STK39: variants seen among roughly 807,000 people sequenced by gnomAD.
The protein encoded by STK39 is STE20/SPS1-related proline-alanine-rich protein kinase.
Under a neutral mutation model 77.8 loss-of-function variants are expected in STK39, and 20 were observed. The observed-to-expected ratio is 0.26, with a 90% CI of 0.18 to 0.37. STK39 has a LOEUF of 0.37. Ranked by LOEUF, STK39 falls within the 10% of genes least tolerant of loss-of-function variation. The pLI, the probability that STK39 is intolerant of heterozygous loss-of-function variation, is 1.00. For synonymous variants in STK39, 246 were observed against 234.1 expected (o/e 1.05, Z -0.47); for missense variants, 479 against 656.5 (o/e 0.73, Z 2.95).
At chr2:168,171,479 GAA>G (rs11333975) in intron 2 of STK39, among the ~76,000 whole-genome samples, 5 of 108,752 alleles carry the variant, frequency 4.6e-5, no homozygotes, top group East Asian at 5.6e-4. Context: ...TAAAAAAAGG[GAA>G]AAAAAAACTT....
intron 5 of STK39, among the ~76,000 whole-genome samples, chr2:168,145,463 G>C (rs1688111444): frequency 6.6e-6 from 1 of 151,988 alleles, no homozygotes; most frequent in South Asian, 2.1e-4. Context: ...CCAGAAGAAA[G>C]TTGCCATAGA....
chr2:168,007,503 T>C (rs1256897097), intron 16 of STK39, among the ~76,000 whole-genome samples: 1 of 152,152 alleles, frequency 6.6e-6, no homozygotes, highest in Non-Finnish European at 1.5e-5. Flanking sequence ...GGAAGTCCTA[T>C]ATAGCTGACA....
chr2:168,127,159 G>C (rs185697035), intron 10 of STK39, among the ~76,000 whole-genome samples: 2 of 152,236 alleles, frequency 1.3e-5, no homozygotes, highest in Admixed American at 1.3e-4. Flanking sequence ...GTTTGTTGTT[G>C]TTGTTGTTTT....
At chr2:168,216,393 T>C (rs1343569921) in intron 1 of STK39, among the ~76,000 whole-genome samples, 2 of 152,226 alleles carry the variant, frequency 1.3e-5, no homozygotes, top group African/African-American at 4.8e-5. Context: ...TTTATTCTAC[T>C]TGCTAAATAA....
chr2:168,069,673 A>G (rs913317288), intron 12 of STK39, among the ~76,000 whole-genome samples: 1 of 152,270 alleles, frequency 6.6e-6, no homozygotes, highest in African/African-American at 2.4e-5. Context: ...GGATTTGTGC[A>G]GTTTTCCTAG....
intron 7 of STK39, among the ~76,000 whole-genome samples, chr2:168,139,947 C>T (rs979269752): frequency 6.6e-6 from 1 of 152,064 alleles, no homozygotes; most frequent in Non-Finnish European, 1.5e-5. Flanking sequence ...GATGACATCA[C>T]TATAATCTAT....
intron 16 of STK39, among the ~76,000 whole-genome samples, chr2:168,003,782 T>C (rs1292665710): frequency 6.6e-6 from 1 of 152,212 alleles, no homozygotes; most frequent in Admixed American, 6.5e-5. Context: ...TTAAGGAGTT[T>C]TCTTCCTTTA....
chr2:168,240,198 G>C (rs1690724906), intron 1 of STK39, among the ~76,000 whole-genome samples: 1 of 152,150 alleles, frequency 6.6e-6, no homozygotes, highest in Admixed American at 6.5e-5. Flanking sequence ...TCTGTCCTGA[G>C]ACTGGAAATT....
At chr2:167,991,003 G>A (rs1683687362) in intron 16 of STK39, among the ~76,000 whole-genome samples, 1 of 152,180 alleles carries the variant, frequency 6.6e-6, no homozygotes, top group Non-Finnish European at 1.5e-5. Flanking sequence ...GGATGTCACG[G>A]TAAAATGGTG....
chr2:168,234,203 T>C (rs1162058265), intron 1 of STK39, among the ~76,000 whole-genome samples: 10 of 152,228 alleles, frequency 6.6e-5, no homozygotes, highest in African/African-American at 2.4e-4. Flanking sequence ...TTTGAACATT[T>C]CCGAGAAATT....
rs908917307 is a variant in STK39 at position 168,135,971 on chromosome 2, G to A, written c.974+2117C>T. 2.1e-5 allele frequency among the ~76,000 whole-genome samples: 3 copies of A among 141,218 alleles called. No individual in the cohort carries two copies. The East Asian group carries it at 6.1e-4, about 29-fold the overall frequency. The allele number at this position is 141,218 out of a possible 152,430, so 92.6% of individuals were successfully genotyped here. A position where few individuals can be genotyped will look rare whatever the true frequency, so the allele number is the denominator to read the frequency against. On this transcript the variant is annotated intron_variant, in intron 8 of 17. Coordinates refer to ENST00000355999, the MANE Select transcript of STK39 (RefSeq NM_013233.3). ...TGAAGATTTTGAATATATGTTATAT[G>A]ACGCTCTTCTAAAGGATTTTTTTTT...
intron 15 of STK39, among the ~76,000 whole-genome samples, chr2:168,014,494 A>T (rs1408486847): frequency 2.6e-5 from 4 of 151,070 alleles, no homozygotes; most frequent in East Asian, 3.8e-4. Flanking sequence ...AAAAATAAAA[A>T]AAAAACACCT....
At chr2:168,181,752 G>A (rs1246403948) in intron 2 of STK39, among the ~76,000 whole-genome samples, 3 of 152,128 alleles carry the variant, frequency 2.0e-5, no homozygotes, top group Non-Finnish European at 2.9e-5. Flanking sequence ...GGGATTATTC[G>A]AACTGAGCAA....
At chr2:168,129,503 T>C (rs1687625321) in intron 10 of STK39, 38 bp downstream of exon 10, 3 of 1,607,486 alleles carry the variant, frequency 1.9e-6, no homozygotes, top group South Asian at 1.1e-5. Flanking sequence ...TCCCTGGGGA[T>C]TGGTTCCTAC....
At chr2:168,089,746 T>C (rs1018538901) in intron 10 of STK39, among the ~76,000 whole-genome samples, 3 of 152,208 alleles carry the variant, frequency 2.0e-5, no homozygotes, top group African/African-American at 7.2e-5. Flanking sequence ...CCCGAGTAGC[T>C]GGGATTACAG....
At chr2:168,197,436 T>C (rs1689499512) in intron 1 of STK39, among the ~76,000 whole-genome samples, 1 of 152,186 alleles carries the variant, frequency 6.6e-6, no homozygotes, top group Non-Finnish European at 1.5e-5. Context: ...TTTGAAAGCC[T>C]TGGGCTGCCA....
chr2:168,059,114 G>A (rs757960207), intron 14 of STK39, among the ~76,000 whole-genome samples: 3 of 152,144 alleles, frequency 2.0e-5, no homozygotes, highest in Non-Finnish European at 4.4e-5. Flanking sequence ...GCTCGGCCTC[G>A]TGGCTTGTTT....
At chr2:168,040,870 G>A (rs1685085762) in intron 14 of STK39, among the ~76,000 whole-genome samples, 1 of 152,080 alleles carries the variant, frequency 6.6e-6, no homozygotes, top group Non-Finnish European at 1.5e-5. Flanking sequence ...TTGTTATAGA[G>A]TAAGCACTTA....
chr2:167,980,413 A>G (rs757813782), intron 16 of STK39, among the ~76,000 whole-genome samples: 2 of 152,236 alleles, frequency 1.3e-5, no homozygotes, highest in Non-Finnish European at 2.9e-5. Flanking sequence ...ATAGTCACCT[A>G]TTAACAGGAC....
Sources: allele counts gnomAD v4.1 joint callset (sites outside exome capture counted in the v4.1 genomes callset), GRCh38; gene constraint gnomAD v4.1.1; transcripts MANE v1.5; gene names NCBI Gene and HGNC (gene_info 2026-07-23, HGNC 2026-07-21).